DST: variants seen among roughly 807,000 people sequenced by gnomAD.
The protein encoded by DST is dystonin.
Under a neutral mutation model 875.2 loss-of-function variants are expected in DST, and 253 were observed. The observed-to-expected ratio is 0.29, with a 90% CI of 0.26 to 0.32. The LOEUF is 0.32. Ranked by LOEUF, DST falls within the 10% of genes least tolerant of loss-of-function variation. DST has a pLI of 1.00. For missense variants in DST, 8,287 were observed against 9,111.6 expected (o/e 0.91, Z 3.68); for synonymous variants, 3,124 against 3,197.1 (o/e 0.98, Z 0.77).
In DST at chr6:56,545,497, A is replaced by G. The variant is rs78637144; in HGVS notation, c.16608+6687T>C. On this transcript the variant is annotated intron_variant, in intron 61 of 103. Coordinates refer to ENST00000680361, the MANE Select transcript of DST (RefSeq NM_001374736.1). Reference sequence around the variant, plus strand: ...AAAGCAGATGATTTCAGAAAAGTACACAACTACTAATTGAATTATAAGCAA... The same window carrying G: ...AAAGCAGATGATTTCAGAAAAGTACGCAACTACTAATTGAATTATAAGCAA... Among the ~76,000 whole-genome samples, 363 of 151,886 alleles carry G rather than the reference A, an allele frequency of 2.4e-3. 1 individual carries two copies. The highest frequency in any genetic ancestry group is 8.7e-3 in the African/African-American group (358 of 41,384).
chr6:56,507,391 T>C (rs1460863334), intron 75 of DST, among the ~76,000 whole-genome samples: 1 of 152,022 alleles, frequency 6.6e-6, no homozygotes, highest in African/African-American at 2.4e-5. Flanking sequence ...CAAAGAAAAA[T>C]AGATATGGCT....
chr6:56,722,196 T>A (rs2099419515), intron 5 of DST, among the ~76,000 whole-genome samples: 1 of 152,158 alleles, frequency 6.6e-6, no homozygotes, highest in African/African-American at 2.4e-5. Context: ...TTGGTTAGAA[T>A]GCAAATACAC....
intron 62 of DST, among the ~76,000 whole-genome samples, chr6:56,535,767 G>A (rs1172873002): frequency 6.6e-6 from 1 of 152,150 alleles, no homozygotes; most frequent in African/African-American, 2.4e-5. Context: ...ATCCAATTAA[G>A]TTCTGCTAGC....
At position 56,796,816 on chromosome 6, in the gene DST, A is replaced by G. The variant is rs138695767; in HGVS notation, c.625+54581T>C. Among the ~76,000 whole-genome samples the G allele has an allele frequency of 5.0e-3, 758 of 152,200 alleles. 4 individuals carry two copies. The highest frequency in any genetic ancestry group is 0.017 in the African/African-American group (717 of 41,526). ...GGAGGAAGGAAGGAAGGAGAGAGAA[A>G]GGAAGGGAGGGGACTATAAGCAGAG... is the stretch of plus-strand genomic sequence containing the variant. On this transcript the variant is annotated intron_variant, in intron 4 of 103. Transcript: ENST00000680361.
intron 77 of DST, among the ~76,000 whole-genome samples, chr6:56,505,790 G>A (rs1169779308): frequency 6.6e-6 from 1 of 151,780 alleles, no homozygotes; most frequent in Non-Finnish European, 1.5e-5. Context: ...GGTAGGGAGA[G>A]AAATATACCC....
chr6:56,926,835 A>C (rs935384687), intron 2 of DST, among the ~76,000 whole-genome samples: 5 of 152,198 alleles, frequency 3.3e-5, no homozygotes, highest in African/African-American at 1.2e-4. Flanking sequence ...TCAGGAATAC[A>C]TGTACTTGAA....
intron 4 of DST, among the ~76,000 whole-genome samples, chr6:56,800,240 T>C (rs1215310241): frequency 6.6e-6 from 1 of 152,230 alleles, no homozygotes; most frequent in East Asian, 1.9e-4. Flanking sequence ...TCTGTACTGT[T>C]TGATTTTGTA....
intron 3 of DST, among the ~76,000 whole-genome samples, chr6:56,881,503 CA>C (rs1269264451): frequency 7.9e-5 from 12 of 152,072 alleles, no homozygotes; most frequent in Admixed American, 3.3e-4. Context: ...AATAAAAGAA[CA>C]AGTGAAAATT....
At chr6:56,621,795 A>T (rs77639386) in intron 36 of DST, among the ~76,000 whole-genome samples, 9,191 of 152,232 alleles carry the variant, frequency 0.06, 879 homozygotes, top group African/African-American at 0.2. Context: ...TTTAAACAGG[A>T]ATACAGAAAT....
chr6:56,755,934 G>A (rs1233794564), intron 4 of DST, among the ~76,000 whole-genome samples: 1 of 152,148 alleles, frequency 6.6e-6, no homozygotes, highest in African/African-American at 2.4e-5. Flanking sequence ...TTTTAATCAG[G>A]GGCCTGATCT....
intron 54 of DST, among the ~76,000 whole-genome samples, chr6:56,568,877 T>C (rs1243079472): frequency 6.6e-6 from 1 of 152,070 alleles, no homozygotes; most frequent in African/African-American, 2.4e-5. Context: ...CTGCTATGGG[T>C]TCCAAAATAA....
chr6:56,476,942 A>G (rs746298831), intron 91 of DST, among the ~76,000 whole-genome samples: 1 of 151,666 alleles, frequency 6.6e-6, no homozygotes, highest in Admixed American at 6.6e-5. Context: ...ATAAATCGAG[A>G]CTCCGTCAAA....
intron 53 of DST, among the ~76,000 whole-genome samples, chr6:56,571,426 A>G (rs1428322169): frequency 1.3e-5 from 2 of 152,226 alleles, no homozygotes; most frequent in Non-Finnish European, 2.9e-5. Flanking sequence ...CATTTTAGGT[A>G]GAGAATTCTG....
chr6:56,552,163 TA>T lies in DST; in HGVS notation c.16608+20del. Reference sequence around the variant, plus strand: ...CTTCATTGACAATAAAAACACTGGGTAAAAATGAAGAGTTCCCTACCTTGAA... The same window carrying T: ...CTTCATTGACAATAAAAACACTGGGTAAAATGAAGAGTTCCCTACCTTGAA... On this transcript the variant is annotated intron_variant, in intron 61 of 103. Transcript: ENST00000680361. 9 of 1,556,386 alleles carry T rather than the reference TA, an allele frequency of 5.8e-6. No homozygotes were observed. Among genetic ancestry groups the T allele is most frequent in the Non-Finnish European group, 7.8e-6 (9 of 1,155,458 alleles).
At position 56,594,112 on chromosome 6, in the gene DST, C is replaced by T; in HGVS notation, c.12277G>A (p.Gly4093Ser). The change falls in exon 48 of 104, where the codon GGT becomes AGT. Residue 4093 changes from glycine (G) to serine (S), a missense_variant. Physicochemically the swap from Gly to Ser is moderately conservative, Grantham distance 56. Coordinates refer to ENST00000680361, the MANE Select transcript of DST (RefSeq NM_001374736.1). ...QSAQVLLEKQ[G>S]QYLSPEEKEK... Reference sequence around the variant, plus strand: ...TTTTCTTCAGGAGAGAGATACTGACCCTGTTTCTCAAGCAACACTTGTGCA... The same window carrying T: ...TTTTCTTCAGGAGAGAGATACTGACTCTGTTTCTCAAGCAACACTTGTGCA... 1.9e-6 allele frequency: 3 copies of T among 1,604,758 alleles called. No homozygotes were observed. The highest frequency in any genetic ancestry group is 2.5e-6 in the Non-Finnish European group (3 of 1,176,926).
intron 3 of DST, among the ~76,000 whole-genome samples, chr6:56,885,799 G>C (rs1350041397): frequency 2.6e-5 from 4 of 152,136 alleles, no homozygotes; most frequent in Non-Finnish European, 5.9e-5. Context: ...AGAAGAGTGA[G>C]AAAATAAATT....
At chr6:56,477,205 G>C (rs2095236463) in intron 91 of DST, 140 bp downstream of exon 91, 1 of 914,478 alleles carries the variant, frequency 1.1e-6, no homozygotes, top group African/African-American at 1.7e-5. Flanking sequence ...ATGCATACAA[G>C]AAGCGTATTT....
chr6:56,952,277 C>T (rs1490622963), intron 2 of DST, among the ~76,000 whole-genome samples: 2 of 152,066 alleles, frequency 1.3e-5, no homozygotes, highest in East Asian at 1.9e-4. Flanking sequence ...TTTGTTTGTG[C>T]TTTAGCTGAA....
intron 64 of DST, 87 bp downstream of exon 64, chr6:56,532,257 T>G: frequency 8.3e-7 from 1 of 1,206,744 alleles, no homozygotes; most frequent in Non-Finnish European, 1.2e-6. Flanking sequence ...AAATCATGAT[T>G]TGAAGTATTA....
Sources: gnomAD v4.1 joint callset for allele counts (sites outside exome capture counted in the v4.1 genomes callset) on GRCh38, gnomAD v4.1.1 for gene constraint, MANE v1.5 for transcripts, NCBI Gene and HGNC (gene_info 2026-07-23, HGNC 2026-07-21) for gene names.